Variants in WDR59 observed in about 807,000 individuals in gnomAD.
WDR59 encodes the protein GATOR2 complex protein WDR59.
WDR59 carries 100 observed loss-of-function variants against 131.2 expected under a neutral mutation model. The ratio of observed to expected loss-of-function variants is 0.76; its 90% confidence interval spans 0.65 to 0.90. WDR59 has a LOEUF of 0.90. Among genes scored for constraint, WDR59 ranks in the 40% least tolerant of loss-of-function variants. The pLI is 0.00. For synonymous variants in WDR59, 601 were observed against 466.2 expected, an observed-to-expected ratio of 1.29 and a Z score of -3.72; for missense variants, 1,203 against 1,262.2, an observed-to-expected ratio of 0.95 and a Z score of 0.71.
chr16:74,971,008 C>A (rs1402670292), intron 1 of WDR59, among the ~76,000 whole-genome samples: 1 of 151,720 alleles, frequency 6.6e-6, no homozygotes, highest in Non-Finnish European at 1.5e-5. Context: ...ATGTTCACAC[C>A]ACTACACTCC....
rs1338872360 is a variant in WDR59 at position 74,871,756 on chromosome 16, C to A, written c.*2453G>T. ...CTTTCTCTCTGTGTAAATCAGCCAA[C>A]CTATTCTGTGATCACCATTACAACA... On this transcript the variant is annotated 3_prime_UTR_variant, in exon 26 of 26. Transcript: ENST00000262144. 6.6e-6 allele frequency: 1 copy of A among 152,214 alleles called. No individual in the cohort carries two copies. Among genetic ancestry groups the A allele is most frequent in the East Asian group, 1.9e-4 (1 of 5,202 alleles). The allele number at this position is 152,214 out of a possible 1,614,324, so 9.4% of individuals were successfully genotyped here.
In WDR59 at chr16:74,893,803, G is replaced by A. The variant is rs201861811; in HGVS notation, c.1876C>T (p.Arg626Ter). The A allele has an allele frequency of 9.3e-6, 15 of 1,613,962 alleles. No homozygotes were observed. The highest frequency in any genetic ancestry group is 6.7e-5 in the East Asian group (3 of 44,874). The change falls in exon 19 of 26, where the codon CGA becomes TGA. Residue 626 changes from arginine (R) to a stop codon, truncating the protein, a stop_gained. Transcript: ENST00000262144. LOFTEE classifies it high-confidence loss of function. ...SFYYKERKSRRWKSKREGSDS... is the reference protein window; with the variant it reads ...SFYYKERKSR ...GATCCCTCACGCTTACTTTTCCATC[G>A]TCTTGATTTCTAGGGGTAGATGACA... is the stretch of plus-strand genomic sequence containing the variant.
chr16:74,977,454 C>A (rs1366381084), intron 1 of WDR59, among the ~76,000 whole-genome samples: 1 of 152,026 alleles, frequency 6.6e-6, no homozygotes, highest in East Asian at 1.9e-4. Flanking sequence ...TTTGGGAGGC[C>A]GAGGCGGGCA....
chr16:74,878,633 G>C (rs1964331531), intron 25 of WDR59, among the ~76,000 whole-genome samples: 1 of 152,150 alleles, frequency 6.6e-6, no homozygotes. Flanking sequence ...GTGACAGAGA[G>C]AGACCTTGTT....
At chr16:74,896,529 G>A (rs995311812) in intron 18 of WDR59, among the ~76,000 whole-genome samples, 1 of 152,050 alleles carries the variant, frequency 6.6e-6, no homozygotes, top group Non-Finnish European at 1.5e-5. Context: ...CAGCTATTCG[G>A]GAGGCTGAGG....
rs376075456 is a variant in WDR59, at chr16:74,874,158, C to T, written c.*51G>A. 5.5e-4 allele frequency: 815 copies of T among 1,483,950 alleles called. 10 individuals carry two copies. The South Asian group carries it at 9.1e-3, about 17-fold the overall frequency. 91.9% of individuals were successfully genotyped at this position (1,483,950 alleles called of 1,614,324 possible). The stretch of plus-strand genomic sequence containing the variant: ...TCTCCCCTGACAGACAGCTTGTCAC[C>T]GGCACTTATGGGTCCTCTGGGATTT... On this transcript the variant is annotated 3_prime_UTR_variant, in exon 26 of 26. Transcript: ENST00000262144.
chr16:74,948,456 T>C (rs2032786011), intron 6 of WDR59, 63 bp downstream of exon 6: 1 of 1,454,602 alleles, frequency 6.9e-7, no homozygotes, highest in Non-Finnish European at 9.7e-7. Context: ...GGGAAAGAAC[T>C]GGAAGGAAGA....
intron 8 of WDR59, among the ~76,000 whole-genome samples, chr16:74,932,996 G>A (rs2031518897): frequency 1.3e-5 from 2 of 152,154 alleles, no homozygotes; most frequent in Admixed American, 1.3e-4. Flanking sequence ...ATTACATGTT[G>A]ACAAAGCTGG....
chr16:74,908,816 C>A, intron 17 of WDR59, 92 bp downstream of exon 17: 1 of 986,144 alleles, frequency 1.0e-6, no homozygotes, highest in Middle Eastern at 2.1e-4. Context: ...CTGAAATGCA[C>A]TGTCCAAAAG....
intron 8 of WDR59, among the ~76,000 whole-genome samples, chr16:74,932,816 T>A (rs2031505021): frequency 6.6e-6 from 1 of 152,268 alleles, no homozygotes; most frequent in South Asian, 2.1e-4. Flanking sequence ...GTCCAGTTAA[T>A]AGGGTGAAAG....
intron 18 of WDR59, among the ~76,000 whole-genome samples, chr16:74,899,044 C>T (rs777391342): frequency 2.0e-5 from 3 of 152,076 alleles, no homozygotes; most frequent in Non-Finnish European, 4.4e-5. Context: ...CGTGAGGTCA[C>T]CTTGGCACTA....
Position 74,949,137 on chromosome 16 carries a change from A to G in WDR59, c.407+581T>C, listed in dbSNP as rs368799372. On this transcript the variant is annotated intron_variant, in intron 5 of 25. Transcript: ENST00000262144. ...GAGTTTGAGATCAGCCTGACAACAC[A>G]GCAAGACTCTGTCCCCACAAAAATA... Among the ~76,000 whole-genome samples the G allele has an allele frequency of 1.2e-4, 18 of 152,098 alleles. 3 individuals carry two copies. The highest frequency in any genetic ancestry group is 7.7e-4 in the East Asian group (4 of 5,174).
chr16:74,913,868 C>T (rs1567714049), intron 13 of WDR59, among the ~76,000 whole-genome samples: 1 of 152,130 alleles, frequency 6.6e-6, no homozygotes, highest in Admixed American at 6.6e-5. Flanking sequence ...AATGGCTGTA[C>T]AACTTTGTGA....
At chr16:74,901,651 T>TA (rs200878105) in intron 18 of WDR59, among the ~76,000 whole-genome samples, 12,425 of 135,742 alleles carry the variant, frequency 0.092, 669 homozygotes, top group African/African-American at 0.17. Flanking sequence ...CCCCATCTCT[T>TA]AAAAAAAAAA....
chr16:74,926,979 GCA>G (rs1372324788), intron 8 of WDR59, among the ~76,000 whole-genome samples: 2 of 152,142 alleles, frequency 1.3e-5, no homozygotes, highest in Non-Finnish European at 2.9e-5. Context: ...TCTACTTAAT[GCA>G]CAATATGAAT....
chr16:74,885,594 C>T lies in WDR59; in HGVS notation c.2689+59G>A, dbSNP rs1964714563. 18 of 1,582,962 alleles carry T rather than the reference C, an allele frequency of 1.1e-5. No homozygotes were observed. In the Admixed American group the frequency reaches 3.2e-4, roughly 29 times the overall value. On this transcript the variant is annotated intron_variant, in intron 25 of 25. Transcript: ENST00000262144. ...TTCATTCCAAGTCTGAGGCTGTGGA[C>T]ATATTAAATTACAGGATCTTTCAGA...
chr16:74,899,757 G>A, intron 18 of WDR59: 2 of 1,289,138 alleles, frequency 1.6e-6, no homozygotes, highest in Non-Finnish European at 2.0e-6. Flanking sequence ...GGAGACATCT[G>A]TGCATGAAAA....
intron 7 of WDR59, among the ~76,000 whole-genome samples, chr16:74,941,021 G>C (rs1270632342): frequency 6.6e-6 from 1 of 151,290 alleles, no homozygotes; most frequent in African/African-American, 2.4e-5. Flanking sequence ...CTGTTATAGT[G>C]ACAAACTGAA....
chr16:74,928,487 G>C (rs1032669105), intron 8 of WDR59, among the ~76,000 whole-genome samples: 2 of 151,952 alleles, frequency 1.3e-5, no homozygotes, highest in African/African-American at 2.4e-5. Flanking sequence ...CCAAAGTGCT[G>C]AGATTACAGG....
Sources: allele counts gnomAD v4.1 joint callset (sites outside exome capture counted in the v4.1 genomes callset), GRCh38; gene constraint gnomAD v4.1.1; transcripts MANE v1.5; gene names NCBI Gene and HGNC (gene_info 2026-07-23, HGNC 2026-07-21).